Variants in COL17A1 observed in about 807,000 individuals in gnomAD.
COL17A1 encodes the protein collagen type XVII alpha 1 chain.
In COL17A1, 181 loss-of-function variants were observed where a neutral mutation model predicts 218.4. The observed-to-expected ratio is 0.83, with a 90% confidence interval of 0.73 to 0.94. The LOEUF (loss-of-function observed/expected upper bound fraction) is 0.94, where lower values mean the gene tolerates loss of function less well. Ranked by LOEUF, COL17A1 falls within the 40% of genes least tolerant of loss-of-function variation. The pLI, the probability that COL17A1 is intolerant of heterozygous loss-of-function variation, is 0.00. For missense variants in COL17A1, 1,924 were observed against 1,945.9 expected (o/e 0.99, Z 0.21); for synonymous variants, 721 against 731.0 (o/e 0.99, Z 0.22).
rs2086589513 is a variant in COL17A1 at position 104,062,274 on chromosome 10, G to A, written c.894C>T (p.Thr298=). The A allele has an allele frequency of 6.2e-7, 1 of 1,614,122 alleles. No individual in the cohort carries two copies. Among genetic ancestry groups the A allele is most frequent in the South Asian group, 1.1e-5 (1 of 91,094 alleles). Residue 298 remains threonine, a synonymous_variant, in exon 12 of 56, where the codon ACC becomes ACT. Transcript: ENST00000648076. ...APSLTTLSHG[T]TTTSTAYGVK... ...CCTACTGACCTGTGGAAGTGGTGGT[G>A]GTGCCATGGGACAGGGTGGTCAAGC...
Position 104,055,762 on chromosome 10 carries a change from G to T in COL17A1, c.1687+20C>A. The T allele has an allele frequency of 6.2e-7, 1 of 1,613,374 alleles. No individual in the cohort carries two copies. Among genetic ancestry groups the T allele is most frequent in the Non-Finnish European group, 8.5e-7 (1 of 1,179,982 alleles). ...AAAGGGACTCAGGGGAGCTGGCCCTGTGCCCGGCGATGCTCTCACCATTTT... is the reference window on the plus strand; with the variant it reads ...AAAGGGACTCAGGGGAGCTGGCCCTTTGCCCGGCGATGCTCTCACCATTTT... On this transcript the variant is annotated intron_variant, in intron 18 of 55. Transcript: ENST00000648076.
rs1180506507 is a variant in COL17A1 at position 104,035,299 on chromosome 10, T to C, written c.3583A>G (p.Ser1195Gly). The C allele has an allele frequency of 2.5e-6, 4 of 1,614,084 alleles. No individual in the cohort carries two copies. The highest frequency in any genetic ancestry group is 1.7e-5 in the Admixed American group (1 of 60,002). Reference protein sequence around the residue: ...PPGIPGNVWSSISVEDLSSYL... With the variant: ...PPGIPGNVWSGISVEDLSSYL... ...GACGAGAGGTCCTCCACGCTGATGC[T>C]GGACCACACATTGCCTGGGATCCCT... Residue 1195 changes from serine to glycine, a missense_variant, in exon 50 of 56, where the codon AGC (serine) becomes GGC (glycine). Coordinates refer to ENST00000648076, the MANE Select transcript of COL17A1 (RefSeq NM_000494.4).
At chr10:104,056,905 C>T in intron 17 of COL17A1, 70 bp downstream of exon 17, 2 of 1,547,870 alleles carry the variant, frequency 1.3e-6, no homozygotes, top group Non-Finnish European at 1.7e-6. Context: ...CAGATTCCTG[C>T]CCTTCTGACA....
chr10:104,084,707 A>G (rs2086792022), intron 1 of COL17A1, among the ~76,000 whole-genome samples: 2 of 152,190 alleles, frequency 1.3e-5, no homozygotes, highest in Admixed American at 1.3e-4. Flanking sequence ...GCCTAAGAGT[A>G]AAGCAGGACA....
chr10:104,045,925 C>T (rs1470040900), intron 32 of COL17A1, 132 bp from the exon 33 acceptor site: 2 of 791,158 alleles, frequency 2.5e-6, no homozygotes, highest in Non-Finnish European at 4.5e-6. Context: ...ACCAGCTTTG[C>T]CTTCCGCCTT....
rs2134563563 is a variant in COL17A1 at position 104,034,104 on chromosome 10, C to T, written c.3997G>A (p.Asp1333Asn). Reference sequence around the variant, plus strand: ...ATGTCAGTGCCATAGGGACCCCTGTCTCCTGCAGCTTCACCAAAGGCACCG... The same window carrying T: ...ATGTCAGTGCCATAGGGACCCCTGTTTCCTGCAGCTTCACCAAAGGCACCG... ...AGGAFGEAAGDRGPYGTDIGP... is the reference protein window; with the variant it reads ...AGGAFGEAAGNRGPYGTDIGP... The change falls in exon 52 of 56, where the codon GAC (aspartate) becomes AAC (asparagine). Residue 1333 changes from aspartate to asparagine, a missense_variant. Physicochemically the swap from Asp to Asn is conservative, Grantham distance 23. Transcript: ENST00000648076. The T allele has an allele frequency of 6.2e-7, 1 of 1,614,158 alleles. No homozygotes were observed. The highest frequency in any genetic ancestry group is 8.5e-7 in the Non-Finnish European group (1 of 1,180,042).
intron 40 of COL17A1, 72 bp from the exon 41 acceptor site, chr10:104,040,071 G>C: frequency 6.5e-7 from 1 of 1,534,186 alleles, no homozygotes; most frequent in Non-Finnish European, 9.0e-7. Context: ...GCCCATGGAG[G>C]AGGGGATAGG....
chr10:104,033,505 G>T, intron 52 of COL17A1, 130 bp from the exon 53 acceptor site: 2 of 1,107,026 alleles, frequency 1.8e-6, no homozygotes, highest in Non-Finnish European at 2.7e-6. Flanking sequence ...CAAGGGTGAA[G>T]CCCTCCAACT....
At chr10:104,081,287 T>C (rs1256170352) in intron 1 of COL17A1, among the ~76,000 whole-genome samples, 1 of 152,250 alleles carries the variant, frequency 6.6e-6, no homozygotes, top group Non-Finnish European at 1.5e-5. Flanking sequence ...TGTGCTTATC[T>C]GCAGACATAA....
Position 104,052,089 on chromosome 10 carries a change from G to A in COL17A1, c.2002+66C>T, listed in dbSNP as rs373717640. 9.3e-6 allele frequency: 15 copies of A among 1,608,850 alleles called. No homozygotes were observed. In the African/African-American group the frequency reaches 1.6e-4, roughly 17 times the overall value. On this transcript the variant is annotated intron_variant, in intron 24 of 55. Transcript: ENST00000648076. The stretch of plus-strand genomic sequence containing the variant: ...TCTGGGGTCCCAGGGCCTCTTCTCT[G>A]TGATCCATCCTGAATGTGGCTTCTC...
rs750979545 is a variant in COL17A1, at chr10:104,034,222, G to C, written c.3879C>G (p.Ser1293Arg). The C allele has an allele frequency of 6.2e-7, 1 of 1,612,462 alleles. No individual in the cohort carries two copies. ...TGACAGATGAGCTGTGTGAGGAGGA[G>C]CTGCTACCCCGACTGTGGGAGGCAT... ...STDASHSRGS[S>R]SSSHSSSVRR... Residue 1293 changes from serine to arginine, a missense_variant, in exon 52 of 56, where the codon AGC (serine) becomes AGG (arginine). Physicochemically the swap from Ser to Arg is moderately radical, Grantham distance 110. Coordinates refer to ENST00000648076, the MANE Select transcript of COL17A1 (RefSeq NM_000494.4).
In COL17A1 at chr10:104,038,488, C is replaced by G. The variant is rs1308890687; in HGVS notation, c.2988G>C (p.Gly996=). The change falls in exon 45 of 56, where the codon GGG becomes GGC. Residue 996 remains glycine (G), a synonymous_variant. Coordinates refer to ENST00000648076, the MANE Select transcript of COL17A1 (RefSeq NM_000494.4). ...CCGGAGGCCCAGGGGGCCCAGGGGG[C>G]CCTGGCGGGCCTGACACGTACATGG... ...SSTMYVSGPP[G]PPGPPGPPGS... is the part of the protein sequence containing the mutation. The G allele has an allele frequency of 6.2e-7, 1 of 1,613,742 alleles. No individual in the cohort carries two copies. The highest frequency in any genetic ancestry group is 1.3e-5 in the African/African-American group (1 of 75,008).
intron 14 of COL17A1, 146 bp from the exon 15 acceptor site, chr10:104,059,864 C>T (rs2086566282): frequency 3.9e-6 from 4 of 1,026,154 alleles, no homozygotes; most frequent in Non-Finnish European, 5.9e-6. Flanking sequence ...TGGGGTTCAT[C>T]TCCCCTGATC....
chr10:104,033,302 G>A lies in COL17A1; in HGVS notation c.4230C>T (p.Pro1410=), dbSNP rs149910411. ...AGGCAGAGAAGACCTTGCTGATGCC[G>A]GGTGGCCCCTGTGGCCCAGGCTGGC... is the stretch of plus-strand genomic sequence containing the variant. ...PPGQPGPQGP[P]GISKVFSAYS... The change falls in exon 53 of 56, where the codon CCC becomes CCT. Residue 1410 remains proline, a synonymous_variant. Transcript: ENST00000648076. 41 of 1,604,202 alleles carry A rather than the reference G, an allele frequency of 2.6e-5. No individual in the cohort carries two copies. Among genetic ancestry groups the A allele is most frequent in the African/African-American group, 1.1e-4 (8 of 74,842 alleles).
At chr10:104,059,820 C>G in intron 14 of COL17A1, 102 bp from the exon 15 acceptor site, 2 of 1,221,222 alleles carry the variant, frequency 1.6e-6, no homozygotes, top group Non-Finnish European at 1.2e-6. Flanking sequence ...TTGGGAAGGT[C>G]TAGGTTAGAC....
chr10:104,061,516 G>GCC, intron 12 of COL17A1, 43 bp from the exon 13 acceptor site: 16 of 1,589,312 alleles, frequency 1.0e-5, no homozygotes, highest in Non-Finnish European at 1.4e-5. Context: ...GGTGGTTCCA[G>GCC]GTGACTCAGG....
chr10:104,033,460 A>C, intron 52 of COL17A1, 85 bp from the exon 53 acceptor site: 2 of 1,510,374 alleles, frequency 1.3e-6, no homozygotes, highest in Non-Finnish European at 1.8e-6. Context: ...CCGAGTGTCA[A>C]ACTCCCAAAG....
At chr10:104,050,199 C>T in intron 27 of COL17A1, 75 bp from the exon 28 acceptor site, 2 of 1,599,930 alleles carry the variant, frequency 1.3e-6, no homozygotes, top group Non-Finnish European at 1.7e-6. Flanking sequence ...GTAACAGGGT[C>T]CCCGGCTGCA....
Position 104,035,258 on chromosome 10 carries a change from C to T in COL17A1, c.3619+5G>A, listed in dbSNP as rs765771798. 3 of 1,611,666 alleles carry T rather than the reference C, an allele frequency of 1.9e-6. No homozygotes were observed. In the African/African-American group the frequency reaches 4.0e-5, roughly 22 times the overall value. On this transcript the variant is annotated splice_donor_5th_base_variant and intron_variant, in intron 50 of 55. Transcript: ENST00000648076. Reference sequence around the variant, plus strand: ...CCCTCCCCATCCCACTCCACAGTGCCCTACTATGTAAGTAAGACGAGAGGT... The same window carrying T: ...CCCTCCCCATCCCACTCCACAGTGCTCTACTATGTAAGTAAGACGAGAGGT...
Sources: gnomAD v4.1 joint callset for allele counts (sites outside exome capture counted in the v4.1 genomes callset) on GRCh38, gnomAD v4.1.1 for gene constraint, MANE v1.5 for transcripts, NCBI Gene and HGNC (gene_info 2026-07-23, HGNC 2026-07-21) for gene names.